The following JCAD variants were observed in gnomAD, a reference collection of about 807,000 sequenced individuals.
JCAD encodes the protein junctional cadherin 5 associated.
JCAD carries 40 observed loss-of-function variants against 98.0 expected under a neutral mutation model. The ratio of observed to expected loss-of-function variants is 0.41; its 90% CI spans 0.32 to 0.53. JCAD has a LOEUF of 0.53. Among genes scored for constraint, JCAD ranks in the 20% least tolerant of loss-of-function variants. The pLI is 0.31. For missense variants in JCAD, 1,705 were observed against 1,738.1 expected, an observed-to-expected ratio of 0.98 and a Z score of 0.34; for synonymous variants, 691 against 682.3, an observed-to-expected ratio of 1.01 and a Z score of -0.20.
chr10:30,101,270 G>C (rs914424546), intron 1 of JCAD, among the ~76,000 whole-genome samples: 16 of 152,090 alleles, frequency 1.1e-4, no homozygotes, highest in African/African-American at 3.1e-4. Flanking sequence ...ATAGCTGGGC[G>C]TGGTGGCCCA....
upstream of JCAD, among the ~76,000 whole-genome samples, chr10:30,061,507 A>G (rs1210308672): frequency 6.6e-6 from 1 of 151,094 alleles, no homozygotes; most frequent in Admixed American, 6.6e-5. Context: ...ATGCCACTGC[A>G]CTCCAGCCTG....
At chr10:30,043,995 G>A (rs917371141) in intron 2 of JCAD, among the ~76,000 whole-genome samples, 2 of 152,200 alleles carry the variant, frequency 1.3e-5, no homozygotes, top group African/African-American at 4.8e-5. Flanking sequence ...ACCTTTAAGA[G>A]GTGATGAGGT....
At chr10:30,066,950 T>C (rs1485905832) in intron 2 of JCAD, among the ~76,000 whole-genome samples, 2 of 152,054 alleles carry the variant, frequency 1.3e-5, no homozygotes, top group Non-Finnish European at 2.9e-5. Context: ...TGAGCCAAGA[T>C]GGCATCACTG....
chr10:30,114,887 G>A (rs1229928347), intron 1 of JCAD, among the ~76,000 whole-genome samples: 3 of 151,462 alleles, frequency 2.0e-5, no homozygotes, highest in African/African-American at 2.5e-5. Flanking sequence ...TAGATAGATA[G>A]AAATATAAAC....
chr10:30,064,819 G>A (rs1837756677), intron 2 of JCAD, among the ~76,000 whole-genome samples: 1 of 152,116 alleles, frequency 6.6e-6, no homozygotes, highest in Non-Finnish European at 1.5e-5. Flanking sequence ...TTACAGGCAC[G>A]TGCCACCACG....
At chr10:30,062,885 C>T (rs1184610620), upstream of JCAD, among the ~76,000 whole-genome samples, 1 of 152,164 alleles carries the variant, frequency 6.6e-6, no homozygotes, top group Non-Finnish European at 1.5e-5. Context: ...AGAGCCAAAC[C>T]ATATCAGAGA....
intron 1 of JCAD, among the ~76,000 whole-genome samples, chr10:30,082,824 C>A (rs899952852): frequency 7.2e-6 from 1 of 138,784 alleles, no homozygotes; most frequent in Non-Finnish European, 1.5e-5. Context: ...GTACTTTAGC[C>A]TGGGCAACAA....
In JCAD at chr10:30,059,422, C is replaced by G. The variant is rs905459342; in HGVS notation, c.-60+60G>C. 3.3e-5 allele frequency: 5 copies of G among 151,570 alleles called. No individual in the cohort carries two copies. Among genetic ancestry groups the G allele is most frequent in the Admixed American group, 2.0e-4 (3 of 15,214 alleles). The allele number at this position is 151,570 out of a possible 1,614,324, so 9.4% of individuals were successfully genotyped here. On this transcript the variant is annotated intron_variant, in intron 1 of 3. Coordinates refer to ENST00000375377, the MANE Select transcript of JCAD (RefSeq NM_020848.4). The surrounding 1 kb of genome is among the most constrained non-coding windows in gnomAD (Gnocchi z 5.0). ...GAGGCTGCGGGTGAGGCCCGCGAAG[C>G]GCCGTGGGAGCGGCCCTAATGGACG...
Position 30,028,168 on chromosome 10 carries a change from T to C in JCAD, c.1980A>G (p.Gln660=), listed in dbSNP as rs1297023247. 1 of 1,614,244 alleles carries C rather than the reference T, an allele frequency of 6.2e-7. No homozygotes were observed. The highest frequency in any genetic ancestry group is 8.5e-7 in the Non-Finnish European group (1 of 1,180,052). The change falls in exon 3 of 4, where the codon CAA becomes CAG. Residue 660 remains glutamine (Q), a synonymous_variant. Transcript: ENST00000375377. ...QDLGEPEEDR[Q]TNDLSFIHLT... The stretch of plus-strand genomic sequence containing the variant: ...GGTGGATGAAACTGAGGTCATTTGT[T>C]TGTCTGTCTTCTTCTGGTTCCCCTA...
Position 30,026,682 on chromosome 10 carries a change from T to C in JCAD, c.3466A>G (p.Ser1156Gly). The part of the protein sequence containing the change: ...YGRRKCGWTK[S>G]PLFVGDRDSA... ...TCCCTGTCCCCTACAAAGAGAGGGCTCTTGGTCCAGCCGCACTTCCTCCTG... is the reference window on the plus strand; with the variant it reads ...TCCCTGTCCCCTACAAAGAGAGGGCCCTTGGTCCAGCCGCACTTCCTCCTG... The change falls in exon 3 of 4, where the codon AGC becomes GGC. Residue 1156 changes from serine to glycine, a missense_variant. Ser to Gly is a moderately conservative substitution (Grantham distance 56, BLOSUM62 0). Around this residue, in one of 3 missense-constraint regions of JCAD, gnomAD observed 1,278 missense variants for 1,243.1 expected, o/e 1.03. Transcript: ENST00000375377. 1 of 1,613,538 alleles carries C rather than the reference T, an allele frequency of 6.2e-7. No homozygotes were observed.
rs1405885741 is a variant in JCAD, at chr10:30,029,773, G to A, written c.375C>T (p.Ser125=). Residue 125 remains serine, a synonymous_variant, in exon 3 of 4, where the codon AGC becomes AGT. Coordinates refer to ENST00000375377, the MANE Select transcript of JCAD (RefSeq NM_020848.4). Reference sequence around the variant, plus strand: ...GGTTTTCGTGCTCCCTCGGCTTCTGGCTCCTGGCTTCTTGCCGTCCTCTTC... The same window carrying A: ...GGTTTTCGTGCTCCCTCGGCTTCTGACTCCTGGCTTCTTGCCGTCCTCTTC... The part of the protein sequence containing the change: ...YRRRGRQEAR[S]QKPREHENLE... The A allele has an allele frequency of 2.9e-5, 47 of 1,614,114 alleles. No homozygotes were observed. Among genetic ancestry groups the A allele is most frequent in the Non-Finnish European group, 3.3e-5 (39 of 1,180,056 alleles).
chr10:30,022,238 C>T (rs1283599547), intron 3 of JCAD, among the ~76,000 whole-genome samples: 3 of 152,086 alleles, frequency 2.0e-5, no homozygotes, highest in African/African-American at 4.8e-5. Flanking sequence ...ATGACAGGCA[C>T]GGCACAAGGG....
chr10:30,072,777 G>A (rs1398041062), intron 1 of JCAD, among the ~76,000 whole-genome samples: 2 of 151,926 alleles, frequency 1.3e-5, no homozygotes, highest in Non-Finnish European at 1.5e-5. Context: ...CTCAGCCTCC[G>A]AGTAGATGTG....
chr10:30,073,726 C>A (rs1006185873), intron 1 of JCAD, among the ~76,000 whole-genome samples: 1 of 96,176 alleles, frequency 1.0e-5, no homozygotes, highest in Non-Finnish European at 2.4e-5. Flanking sequence ...TCTTTCCTTC[C>A]TTCCTTCCCT....
Position 30,069,796 on chromosome 10 carries a change from G to A in JCAD, n.154C>T, listed in dbSNP as rs1439962034. 5.9e-5 allele frequency: 9 copies of A among 152,306 alleles called. No individual in the cohort carries two copies. The East Asian group carries it at 1.7e-3, about 29-fold the overall frequency. The allele number at this position is 152,306 out of a possible 1,614,324, so 9.4% of individuals were successfully genotyped here. A position where few individuals can be genotyped will look rare whatever the true frequency, so the allele number is the denominator to read the frequency against. On this transcript the variant is annotated non_coding_transcript_exon_variant, in exon 2 of 3. Transcript: ENST00000465712. ...ACTGTGATTGCACCAATGCACTCCAGCCTGGGCAACAGAGGGAGACCCTGT... is the reference window on the plus strand; with the variant it reads ...ACTGTGATTGCACCAATGCACTCCAACCTGGGCAACAGAGGGAGACCCTGT...
rs1311627119 is a variant in JCAD at position 30,091,711 on chromosome 10, TA to T, written n.129-21891del. On this transcript the variant is annotated intron_variant and non_coding_transcript_variant, in intron 1 of 2. Coordinates refer to the JCAD transcript ENST00000465712. The stretch of plus-strand genomic sequence containing the variant: ...TTTTTTCTACTTTGGACTAAGTTTT[TA>T]AATTTTTTTTTTTTTTTTTTTTTTT... Among the ~76,000 whole-genome samples, 22 of 134,960 alleles carry T rather than the reference TA, an allele frequency of 1.6e-4. 3 individuals carry two copies. In the South Asian group the frequency reaches 4.5e-3, roughly 28 times the overall value. The allele number at this position is 134,960 out of a possible 152,430, so 88.5% of individuals were successfully genotyped here. A position where few individuals can be genotyped will look rare whatever the true frequency, so the allele number is the denominator to read the frequency against.
intron 2 of JCAD, among the ~76,000 whole-genome samples, chr10:30,033,386 T>C (rs1241184747): frequency 6.6e-6 from 1 of 152,156 alleles, no homozygotes; most frequent in East Asian, 1.9e-4. Context: ...TCTCAGATCA[T>C]TTAGAGTAAG....
At position 30,092,443 on chromosome 10, in the gene JCAD, C is replaced by T. The variant is rs151142661; in HGVS notation, n.129-22622G>A. ...GTTGTCAAAACCATCACAACCACTC[C>T]CACTCTCCCATCTAGTTCCCAAGCC... is the stretch of plus-strand genomic sequence containing the variant. On this transcript the variant is annotated intron_variant and non_coding_transcript_variant, in intron 1 of 2. Coordinates refer to the JCAD transcript ENST00000465712. Among the ~76,000 whole-genome samples the T allele has an allele frequency of 1.3e-5, 2 of 152,128 alleles. 1 individual carries two copies. Among genetic ancestry groups the T allele is most frequent in the Non-Finnish European group, 2.9e-5 (2 of 67,998 alleles).
At chr10:30,036,461 A>C (rs540265550) in intron 2 of JCAD, among the ~76,000 whole-genome samples, 1 of 151,366 alleles carries the variant, frequency 6.6e-6, no homozygotes, top group Non-Finnish European at 1.5e-5. Flanking sequence ...AAAAAAAAAA[A>C]AACAAAAAAA....
Sources: gnomAD v4.1 joint callset for allele counts (sites outside exome capture counted in the v4.1 genomes callset) on GRCh38, gnomAD v4.1.1 for gene constraint, gnomAD v4.1.1 regional missense constraint, Gnocchi (gnomAD v3.1) non-coding constraint, MANE v1.5 for transcripts, NCBI Gene and HGNC (gene_info 2026-07-23, HGNC 2026-07-21) for gene names.